STX8: variants seen among roughly 807,000 people sequenced by gnomAD.
STX8 encodes the protein syntaxin-8.
STX8 carries 23 observed loss-of-function variants against 37.5 expected under a neutral mutation model. That is an observed-to-expected ratio of 0.61 (90% CI 0.44 to 0.87). STX8 has a LOEUF of 0.87. Among genes scored for constraint, STX8 ranks in the 40% least tolerant of loss-of-function variants. STX8 has a pLI of 0.00. For missense variants in STX8, 313 were observed against 284.7 expected, an observed-to-expected ratio of 1.10 and a Z score of -0.71; for synonymous variants, 115 against 99.1, an observed-to-expected ratio of 1.16 and a Z score of -0.95.
At chr17:9,344,284 A>G (rs1910461420) in intron 7 of STX8, among the ~76,000 whole-genome samples, 1 of 146,554 alleles carries the variant, frequency 6.8e-6, no homozygotes, top group Non-Finnish European at 1.5e-5. Context: ...TTTTTGAGAT[A>G]GAGTCTCGCT....
At chr17:9,350,863 A>G (rs867770007) in intron 7 of STX8, among the ~76,000 whole-genome samples, 1 of 152,108 alleles carries the variant, frequency 6.6e-6, no homozygotes, top group Non-Finnish European at 1.5e-5. Context: ...AAATCTTCCT[A>G]TCTTTCAGGA....
rs1906865334 is a variant in STX8 at position 9,491,853 on chromosome 17, C to A, written c.517G>T (p.Gly173Trp). ...CCATTTTGTTCATCCAATTCATTCC[C>A]AATTTCCTGCCCCATTTGTTTTTGG... ...SRQKQMGQEIGNELDEQNEII... is the reference protein window; with the variant it reads ...SRQKQMGQEIWNELDEQNEII... The change falls in exon 6 of 8, where the codon GGG (glycine) becomes TGG (tryptophan). Residue 173 changes from glycine to tryptophan, a missense_variant. Gly to Trp is a radical substitution (Grantham distance 184, BLOSUM62 -2). Coordinates refer to ENST00000306357, the MANE Select transcript of STX8 (RefSeq NM_004853.3). 6.2e-7 allele frequency: 1 copy of A among 1,613,934 alleles called. No homozygotes were observed. The highest frequency in any genetic ancestry group is 8.5e-7 in the Non-Finnish European group (1 of 1,179,950).
At chr17:9,504,873 C>T (rs1440392167) in intron 5 of STX8, among the ~76,000 whole-genome samples, 165 bp downstream of exon 5, 1 of 147,206 alleles carries the variant, frequency 6.8e-6, no homozygotes, top group African/African-American at 2.5e-5. Context: ...TCTCGGGAGG[C>T]TGAGGCAGGA....
chr17:9,371,194 C>T (rs7220966), intron 7 of STX8, among the ~76,000 whole-genome samples: 11,014 of 152,168 alleles, frequency 0.072, 1,107 homozygotes, highest in African/African-American at 0.23. Context: ...ATGACTGATA[C>T]ATCGGCCCAT....
intron 3 of STX8, among the ~76,000 whole-genome samples, chr17:9,547,074 C>A (rs1906557077): frequency 6.6e-6 from 1 of 151,060 alleles, no homozygotes; most frequent in South Asian, 2.1e-4. Context: ...ACGGTAAAAC[C>A]CCGTCTCTAC....
chr17:9,559,760 A>ATATATTTATTTTTT, intron 2 of STX8, among the ~76,000 whole-genome samples: 1 of 24,492 alleles, frequency 4.1e-5, no homozygotes, highest in Non-Finnish European at 6.2e-5. Context: ...ATATATATAT[A>ATATATTTATTTTTT]TTTTTTTTTT....
intron 6 of STX8, among the ~76,000 whole-genome samples, chr17:9,381,545 T>C (rs577286885): frequency 8.1e-4 from 124 of 152,352 alleles, no homozygotes; most frequent in African/African-American, 2.8e-3. Context: ...ATAGACCGTA[T>C]AGTTATATTC....
intron 6 of STX8, among the ~76,000 whole-genome samples, chr17:9,388,167 G>A (rs973147909): frequency 1.3e-5 from 2 of 151,020 alleles, no homozygotes; most frequent in East Asian, 4.0e-4. Flanking sequence ...CGCCTCCCAG[G>A]TTCAAGTGAT....
At chr17:9,290,632 G>A (rs1273679136) in intron 7 of STX8, among the ~76,000 whole-genome samples, 1 of 152,140 alleles carries the variant, frequency 6.6e-6, no homozygotes, top group Non-Finnish European at 1.5e-5. Flanking sequence ...AGGGAAGGAG[G>A]GGCCTCTGTG....
Position 9,402,914 on chromosome 17 carries a change from T to C in STX8, c.542-24261A>G, listed in dbSNP as rs181229425. Among the ~76,000 whole-genome samples, 17 of 152,316 alleles carry C rather than the reference T, an allele frequency of 1.1e-4. No homozygotes were observed. The East Asian group carries it at 3.3e-3, about 29-fold the overall frequency. ...GGATACGGAGAATATCCAAGGGTGC[T>C]CCATCCCAACTGTGAGCTCATAGCA... is the stretch of plus-strand genomic sequence containing the variant. On this transcript the variant is annotated intron_variant, in intron 6 of 7. Coordinates refer to ENST00000306357, the MANE Select transcript of STX8 (RefSeq NM_004853.3).
intron 6 of STX8, among the ~76,000 whole-genome samples, chr17:9,433,658 C>A (rs6503202): frequency 0.21 from 32,353 of 151,538 alleles, 3,746 homozygotes; most frequent in Middle Eastern, 0.27. Flanking sequence ...GTGGCCCCTT[C>A]TCTTAAGGAA....
intron 7 of STX8, among the ~76,000 whole-genome samples, chr17:9,340,845 C>T (rs912649904): frequency 1.3e-5 from 2 of 149,914 alleles, no homozygotes. Flanking sequence ...TTAGTAGAGA[C>T]GGGGTTTCTC....
At chr17:9,276,578 C>T (rs762378383) in intron 7 of STX8, among the ~76,000 whole-genome samples, 120 of 151,558 alleles carry the variant, frequency 7.9e-4, no homozygotes, top group Non-Finnish European at 1.5e-3. Context: ...AAGACATCAA[C>T]AAAATTAGTT....
rs35962202 is a variant in STX8 at position 9,535,424 on chromosome 17, C to CTTTTTTTTTTTTTT, written c.323+9734_323+9747dup. On this transcript the variant is annotated intron_variant, in intron 4 of 7. Transcript: ENST00000306357. ...CATACCCTCTGACCCAGCCATCCTA[C>CTTTTTTTTTTTTTT]TTTTTTTTTTTTTTTTTTTTTTTTT... is the stretch of plus-strand genomic sequence containing the variant. Among the ~76,000 whole-genome samples, 415 of 51,564 alleles carry CTTTTTTTTTTTTTT rather than the reference C, an allele frequency of 8.0e-3. 80 individuals are homozygous for CTTTTTTTTTTTTTT. Among genetic ancestry groups the CTTTTTTTTTTTTTT allele is most frequent in the Middle Eastern group, 0.025 (1 of 40 alleles). 33.8% of individuals were successfully genotyped at this position (51,564 alleles called of 152,430 possible).
rs542834591 is a variant in STX8, at chr17:9,428,188, G to C, written c.542-49535C>G. Among the ~76,000 whole-genome samples, 6 of 152,266 alleles carry C rather than the reference G, an allele frequency of 3.9e-5. No homozygotes were observed. In the East Asian group the frequency reaches 1.2e-3, roughly 29 times the overall value. Reference sequence around the variant, plus strand: ...AGAGGTAAATTCTCTTGACATCCATGACAATTCAGGCAAGTCTTTTGTATT... The same window carrying C: ...AGAGGTAAATTCTCTTGACATCCATCACAATTCAGGCAAGTCTTTTGTATT... On this transcript the variant is annotated intron_variant, in intron 6 of 7. Coordinates refer to ENST00000306357, the MANE Select transcript of STX8 (RefSeq NM_004853.3).
At chr17:9,416,553 G>C (rs948209547) in intron 6 of STX8, among the ~76,000 whole-genome samples, 5 of 151,092 alleles carry the variant, frequency 3.3e-5, no homozygotes, top group African/African-American at 1.2e-4. Flanking sequence ...ATTTTTAGTA[G>C]AGACGGGATT....
intron 6 of STX8, among the ~76,000 whole-genome samples, chr17:9,465,941 G>A (rs1466729967): frequency 6.6e-6 from 1 of 151,992 alleles, no homozygotes; most frequent in Non-Finnish European, 1.5e-5. Context: ...TGATTCCAAA[G>A]CCCTTGTTTT....
At position 9,437,511 on chromosome 17, in the gene STX8, C is replaced by T. The variant is rs544609413; in HGVS notation, c.541+54318G>A. ...GCTCATGAGTGAAAAAATGAAATTG[C>T]AGACGTCTGACAACTGTAGCTTTTT... On this transcript the variant is annotated intron_variant, in intron 6 of 7. Transcript: ENST00000306357. 2.6e-5 allele frequency among the ~76,000 whole-genome samples: 4 copies of T among 152,314 alleles called. No individual in the cohort carries two copies. In the East Asian group the frequency reaches 7.7e-4, roughly 29 times the overall value.
chr17:9,499,620 G>A (rs1258207212), intron 5 of STX8, among the ~76,000 whole-genome samples: 3 of 152,092 alleles, frequency 2.0e-5, no homozygotes, highest in Admixed American at 1.3e-4. Context: ...GGATGGTCTC[G>A]ATCTCTTGAC....
Sources: allele counts gnomAD v4.1 joint callset (sites outside exome capture counted in the v4.1 genomes callset), GRCh38; gene constraint gnomAD v4.1.1; transcripts MANE v1.5; gene names NCBI Gene and HGNC (gene_info 2026-07-23, HGNC 2026-07-21).